The following GABRR2 variants were observed in gnomAD, a reference collection of about 807,000 sequenced individuals.
GABRR2 encodes the protein gamma-aminobutyric acid receptor subunit rho-2.
Under a neutral mutation model 47.0 loss-of-function variants are expected in GABRR2, and 36 were observed. That is an observed-to-expected ratio of 0.77 (90% CI 0.59 to 1.01). The LOEUF is 1.01. GABRR2 is among the 50% of genes least tolerant of loss of function. GABRR2 has a pLI of 0.00. For synonymous variants in GABRR2, 204 were observed against 227.5 expected, an observed-to-expected ratio of 0.90 and a Z score of 0.93; for missense variants, 587 against 594.6, an observed-to-expected ratio of 0.99 and a Z score of 0.13.
At chr6:89,275,911 G>A (rs1350002651) in intron 2 of GABRR2, among the ~76,000 whole-genome samples, 1 of 152,094 alleles carries the variant, frequency 6.6e-6, no homozygotes, top group East Asian at 1.9e-4. Context: ...ACGGATTAAA[G>A]CTCTCCGGAG....
intron 2 of GABRR2, among the ~76,000 whole-genome samples, chr6:89,280,540 G>T (rs1406931303): frequency 6.6e-6 from 1 of 152,066 alleles, no homozygotes; most frequent in Non-Finnish European, 1.5e-5. Flanking sequence ...TGCCTGCCAT[G>T]CCAGCTTACT....
At chr6:89,280,821 C>A (rs1774246017) in intron 2 of GABRR2, among the ~76,000 whole-genome samples, 1 of 152,220 alleles carries the variant, frequency 6.6e-6, no homozygotes, top group Non-Finnish European at 1.5e-5. Context: ...TTCTGAAGTT[C>A]TGGATTATCA....
chr6:89,258,540 TAAA>T (rs58724665), intron 8 of GABRR2, among the ~76,000 whole-genome samples: 24 of 117,138 alleles, frequency 2.0e-4, no homozygotes, highest in Non-Finnish European at 1.9e-4. Flanking sequence ...ACTCCTTCTC[TAAA>T]AAAAAAAAAA....
chr6:89,302,671 G>A (rs1460396971), intron 1 of GABRR2: 23 of 1,299,874 alleles, frequency 1.8e-5, no homozygotes, highest in South Asian at 2.3e-5. Context: ...ATGGCTGCCC[G>A]CGACCGGCAC....
At chr6:89,265,470 A>G in intron 7 of GABRR2, 143 bp downstream of exon 7, 1 of 876,674 alleles carries the variant, frequency 1.1e-6, no homozygotes, top group Non-Finnish European at 1.7e-6. Flanking sequence ...TCTAGATGGT[A>G]AAGGCAAGAA....
intron 1 of GABRR2, among the ~76,000 whole-genome samples, chr6:89,300,319 A>G (rs1282225581): frequency 6.6e-6 from 1 of 152,090 alleles, no homozygotes; most frequent in Non-Finnish European, 1.5e-5. Context: ...AGACCAGCCT[A>G]GCCAACATGG....
At chr6:89,283,531 A>G (rs1203388971) in intron 2 of GABRR2, among the ~76,000 whole-genome samples, 2 of 152,256 alleles carry the variant, frequency 1.3e-5, no homozygotes, top group African/African-American at 4.8e-5. Context: ...ACAGAAGAGT[A>G]TGTATAGTAC....
In GABRR2 at chr6:89,287,451, G is replaced by A. The variant is rs952766188; in HGVS notation, c.220+12308C>T. On this transcript the variant is annotated intron_variant, in intron 2 of 8. Coordinates refer to ENST00000402938, the MANE Select transcript of GABRR2 (RefSeq NM_002043.5). ...GACCCTCAGAGCCAGGAGCTGTGTC[G>A]AGAAGGCACAGGCCCACTGGCTCCT... Among the ~76,000 whole-genome samples, 16 of 152,226 alleles carry A rather than the reference G, an allele frequency of 1.1e-4. No homozygotes were observed. In the East Asian group the frequency reaches 1.3e-3, roughly 13 times the overall value.
intron 2 of GABRR2, among the ~76,000 whole-genome samples, chr6:89,283,768 G>C (rs534741735): frequency 6.6e-6 from 1 of 152,346 alleles, no homozygotes; most frequent in East Asian, 1.9e-4. Flanking sequence ...AGAGCTCCCT[G>C]TGAATAGCAC....
chr6:89,305,157 C>T (rs1419952262), intron 1 of GABRR2, among the ~76,000 whole-genome samples: 1 of 151,380 alleles, frequency 6.6e-6, no homozygotes, highest in Non-Finnish European at 1.5e-5. Flanking sequence ...GAATTCAAGA[C>T]CAGGCTGGCC....
intron 3 of GABRR2, 190 bp from the exon 4 acceptor site, chr6:89,269,424 G>T (rs943685311): frequency 1.0e-4 from 59 of 587,330 alleles, no homozygotes; most frequent in Non-Finnish European, 1.6e-4. Flanking sequence ...TATGCATCAT[G>T]CGCTTGGAGC....
intron 1 of GABRR2, among the ~76,000 whole-genome samples, chr6:89,310,377 G>A (rs921405542): frequency 6.6e-6 from 1 of 152,032 alleles, no homozygotes; most frequent in Non-Finnish European, 1.5e-5. Context: ...GTGTCTTTCA[G>A]AACAAAGTAC....
rs369889164 is a variant in GABRR2 at position 89,265,661 on chromosome 6, C to T, written c.841G>A (p.Val281Met). 4.3e-6 allele frequency: 7 copies of T among 1,614,054 alleles called. No homozygotes were observed. The highest frequency in any genetic ancestry group is 2.7e-5 in the African/African-American group (2 of 74,912). Residue 281 changes from valine to methionine, a missense_variant, in exon 7 of 9, where the codon GTG (valine) becomes ATG (methionine). Val to Met is a conservative substitution (Grantham distance 21). Transcript: ENST00000402938. ...GCTCTGCGGTCGATCCAGAAGGACA[C>T]CCAGGACAGCATGACCATCAGAGTG... ...PATLMVMLSW[V>M]SFWIDRRAVP...
At chr6:89,268,682 T>C (rs567901481) in intron 4 of GABRR2, among the ~76,000 whole-genome samples, 1 of 152,058 alleles carries the variant, frequency 6.6e-6, no homozygotes, top group East Asian at 1.9e-4. Flanking sequence ...TTTTAATCTA[T>C]TTTTTTAAAA....
intron 2 of GABRR2, among the ~76,000 whole-genome samples, chr6:89,280,274 A>T (rs1774237505): frequency 6.7e-6 from 1 of 149,072 alleles, no homozygotes; most frequent in African/African-American, 2.5e-5. Context: ...ACATATACAC[A>T]TACACACACA....
At chr6:89,258,178 G>T (rs887856153) in intron 8 of GABRR2, among the ~76,000 whole-genome samples, 197 bp from the exon 9 acceptor site, 1 of 152,172 alleles carries the variant, frequency 6.6e-6, no homozygotes, top group Non-Finnish European at 1.5e-5. Context: ...CTTTAAACTG[G>T]CCATGCCCGG....
intron 2 of GABRR2, among the ~76,000 whole-genome samples, chr6:89,273,001 C>G (rs945014746): frequency 1.4e-4 from 21 of 152,232 alleles, no homozygotes; most frequent in African/African-American, 5.1e-4. Context: ...GAAATCCCAC[C>G]GTTAAAGATT....
At chr6:89,279,093 CA>C (rs2127838915) in intron 2 of GABRR2, among the ~76,000 whole-genome samples, 1 of 152,334 alleles carries the variant, frequency 6.6e-6, no homozygotes, top group South Asian at 2.1e-4. Flanking sequence ...ATGCCCTGTG[CA>C]TGGGCTGCAA....
At chr6:89,306,904 C>T (rs769883343) in intron 1 of GABRR2, among the ~76,000 whole-genome samples, 2 of 149,190 alleles carry the variant, frequency 1.3e-5, no homozygotes, top group Non-Finnish European at 3.0e-5. Context: ...ATCCACAGTA[C>T]GTTACCTGTT....
Sources: gnomAD v4.1 joint callset for allele counts (sites outside exome capture counted in the v4.1 genomes callset) on GRCh38, gnomAD v4.1.1 for gene constraint, MANE v1.5 for transcripts, NCBI Gene and HGNC (gene_info 2026-07-23, HGNC 2026-07-21) for gene names.